The following MAGI1 variants were observed in gnomAD, a reference collection of about 807,000 sequenced individuals.
The protein encoded by MAGI1 is membrane associated guanylate kinase, WW and PDZ domain containing 1.
Under a neutral mutation model 139.9 loss-of-function variants are expected in MAGI1, and 58 were observed. The ratio of observed to expected loss-of-function variants is 0.41; its 90% CI spans 0.34 to 0.52. The LOEUF (loss-of-function observed/expected upper bound fraction) is 0.52. MAGI1 is among the 20% of genes least tolerant of loss of function. MAGI1 has a pLI of 0.12. For synonymous variants in MAGI1, 812 were observed against 737.9 expected, an observed-to-expected ratio of 1.10 and a Z score of -1.63; for missense variants, 1,874 against 1,901.6, an observed-to-expected ratio of 0.99 and a Z score of 0.27.
At chr3:65,934,406 AAAG>A (rs2062950828) in intron 1 of MAGI1, among the ~76,000 whole-genome samples, 2 of 152,172 alleles carry the variant, frequency 1.3e-5, no homozygotes, top group Non-Finnish European at 2.9e-5. Context: ...AGGTTCAGAA[AAAG>A]AAGAAACAAT....
At chr3:65,438,597 A>G (rs571596392) in intron 9 of MAGI1, among the ~76,000 whole-genome samples, 4 of 152,344 alleles carry the variant, frequency 2.6e-5, no homozygotes, top group Admixed American at 2.0e-4. Flanking sequence ...ACAGACATAC[A>G]TACCTACTCT....
chr3:65,808,407 G>A (rs1368346134), intron 1 of MAGI1, among the ~76,000 whole-genome samples: 2 of 152,082 alleles, frequency 1.3e-5, no homozygotes, highest in African/African-American at 4.8e-5. Context: ...GCTGAGGCAG[G>A]AGAATAGCTT....
chr3:65,725,786 T>A (rs1465723425), intron 1 of MAGI1, among the ~76,000 whole-genome samples: 1 of 152,118 alleles, frequency 6.6e-6, no homozygotes, highest in Non-Finnish European at 1.5e-5. Flanking sequence ...TAGCCGATGA[T>A]CAAAGACAAA....
chr3:65,421,080 A>T (rs1559540079), intron 12 of MAGI1, among the ~76,000 whole-genome samples: 1 of 152,222 alleles, frequency 6.6e-6, no homozygotes, highest in Non-Finnish European at 1.5e-5. Context: ...AGCATTATAT[A>T]ATGAAAGACA....
intron 1 of MAGI1, among the ~76,000 whole-genome samples, chr3:65,999,092 G>T (rs1165227360): frequency 6.6e-6 from 1 of 151,998 alleles, no homozygotes; most frequent in Non-Finnish European, 1.5e-5. Context: ...TGAAGTTCCG[G>T]GGTACATGTG....
intron 2 of MAGI1, among the ~76,000 whole-genome samples, chr3:65,584,106 A>AT (rs2081563943): frequency 6.7e-6 from 1 of 149,558 alleles, no homozygotes; most frequent in Non-Finnish European, 1.5e-5. Flanking sequence ...AAAAAAAAAA[A>AT]GGCAAACTGG....
chr3:65,502,503 T>C lies in MAGI1; in HGVS notation c.431-8872A>G, dbSNP rs926140796. On this transcript the variant is annotated intron_variant, in intron 2 of 22. Coordinates refer to ENST00000402939, the MANE Select transcript of MAGI1 (RefSeq NM_001033057.2). ...CAGGCATTTTGACACACACCTGGAG[T>C]CCCAGCTACAAGGGAAGCTGAAGTG... is the stretch of plus-strand genomic sequence containing the variant. Among the ~76,000 whole-genome samples the C allele has an allele frequency of 1.9e-4, 29 of 152,040 alleles. 1 individual carries two copies. The highest frequency in any genetic ancestry group is 7.0e-4 in the African/African-American group (29 of 41,410).
At chr3:65,925,991 T>C (rs1178244625) in intron 1 of MAGI1, among the ~76,000 whole-genome samples, 2 of 152,228 alleles carry the variant, frequency 1.3e-5, no homozygotes, top group East Asian at 3.8e-4. Flanking sequence ...TGTACTCATA[T>C]AATCCTCACA....
At chr3:65,370,039 T>C (rs1165202643) in intron 18 of MAGI1, among the ~76,000 whole-genome samples, 4 of 152,234 alleles carry the variant, frequency 2.6e-5, no homozygotes. Context: ...ATCTCTTCAC[T>C]GAACTGTAAT....
intron 13 of MAGI1, among the ~76,000 whole-genome samples, chr3:65,398,924 A>G (rs1000119880): frequency 1.2e-4 from 18 of 152,146 alleles, no homozygotes; most frequent in Non-Finnish European, 2.2e-4. Flanking sequence ...GGGACTATCC[A>G]GGAGAAGAAA....
intron 1 of MAGI1, among the ~76,000 whole-genome samples, chr3:66,006,798 A>G (rs1439508628): frequency 7.0e-6 from 1 of 142,666 alleles, no homozygotes; most frequent in Non-Finnish European, 1.5e-5. Context: ...CTCTCTTTGA[A>G]GAACATGGTT....
intron 13 of MAGI1, among the ~76,000 whole-genome samples, chr3:65,398,759 T>C (rs1944613913): frequency 6.6e-6 from 1 of 152,064 alleles, no homozygotes; most frequent in African/African-American, 2.4e-5. Context: ...TCTCTGCTAT[T>C]TGGCAGAAAA....
chr3:65,458,967 T>C (rs1949591091), intron 5 of MAGI1, among the ~76,000 whole-genome samples: 1 of 152,216 alleles, frequency 6.6e-6, no homozygotes, highest in Non-Finnish European at 1.5e-5. Flanking sequence ...TCCATTTTGA[T>C]TTGACTTTAG....
intron 1 of MAGI1, among the ~76,000 whole-genome samples, chr3:65,658,562 TG>T (rs1355779625): frequency 6.6e-6 from 1 of 152,186 alleles, no homozygotes; most frequent in African/African-American, 2.4e-5. Flanking sequence ...TCTAGGGATT[TG>T]GTTAAAATGC....
intron 1 of MAGI1, among the ~76,000 whole-genome samples, chr3:65,849,005 T>TTTTC: frequency 1.7e-5 from 1 of 57,908 alleles, no homozygotes; most frequent in African/African-American, 1.8e-4. Flanking sequence ...AGCATTCTTT[T>TTTTC]TTTTTTTTTT....
At chr3:65,515,902 G>A (rs1367799482) in intron 2 of MAGI1, among the ~76,000 whole-genome samples, 1 of 152,208 alleles carries the variant, frequency 6.6e-6, no homozygotes, top group Non-Finnish European at 1.5e-5. Context: ...ATGAGGGTGA[G>A]AACACATCAT....
At position 65,647,881 on chromosome 3, in the gene MAGI1, T is replaced by C. The variant is rs573243787; in HGVS notation, c.314-25793A>G. 6.8e-4 allele frequency among the ~76,000 whole-genome samples: 104 copies of C among 152,316 alleles called. 1 individual carries two copies. Among genetic ancestry groups the C allele is most frequent in the South Asian group, 3.7e-3 (18 of 4,826 alleles). ...AAATGGAATACTTTTCCCCCTCAGA[T>C]TGGGACAGCACAAGGCTCTCACCAC... is the stretch of plus-strand genomic sequence containing the variant. On this transcript the variant is annotated intron_variant, in intron 1 of 22. Transcript: ENST00000402939.
chr3:65,843,532 C>G (rs1409683237), intron 1 of MAGI1, among the ~76,000 whole-genome samples: 3 of 152,160 alleles, frequency 2.0e-5, no homozygotes, highest in Non-Finnish European at 4.4e-5. Flanking sequence ...TTACATAGCA[C>G]TAGATAACTA....
chr3:65,966,408 C>T (rs573763388), intron 1 of MAGI1, among the ~76,000 whole-genome samples: 11 of 152,234 alleles, frequency 7.2e-5, no homozygotes, highest in African/African-American at 2.2e-4. Context: ...TAGTTAGGTG[C>T]GTCTACCTAT....
Sources: allele counts gnomAD v4.1 joint callset (sites outside exome capture counted in the v4.1 genomes callset), GRCh38; gene constraint gnomAD v4.1.1; transcripts MANE v1.5; gene names NCBI Gene and HGNC (gene_info 2026-07-23, HGNC 2026-07-21).